UBA3: variants seen among roughly 807,000 people sequenced by gnomAD.
UBA3 encodes the protein NEDD8-activating enzyme E1 catalytic subunit.
A neutral mutation model predicts 73.5 loss-of-function variants in UBA3; 26 were observed. That is an observed-to-expected ratio of 0.35 (90% CI 0.26 to 0.49). The LOEUF is 0.49. UBA3 is among the 20% of genes least tolerant of loss of function. The pLI, the probability that UBA3 is intolerant of heterozygous loss-of-function variation, is 0.98. For missense variants in UBA3, 495 were observed against 555.6 expected (o/e 0.89, Z 1.10); for synonymous variants, 217 against 191.2 (o/e 1.13, Z -1.11).
rs772508484 is a variant in UBA3 at position 69,061,826 on chromosome 3, T to C, written c.898A>G (p.Arg300Gly). The C allele has an allele frequency of 6.3e-7, 1 of 1,598,728 alleles. No homozygotes were observed. The highest frequency in any genetic ancestry group is 1.8e-5 in the Admixed American group (1 of 56,906). Reference protein sequence around the residue: ...SQYNIRGVTYRLTQGVVKRII... With the variant: ...SQYNIRGVTYGLTQGVVKRII... The stretch of plus-strand genomic sequence containing the variant: ...TTTGCTGACTTACCTTGAGTGAGCC[T>C]ATACGTAACACCCCTAATATTATAT... The change falls in exon 11 of 18, where the codon AGG becomes GGG. Residue 300 changes from arginine to glycine, a missense_variant. By Grantham distance (125) the Arg-to-Gly change is moderately radical (BLOSUM62 -2). Coordinates refer to ENST00000361055, the MANE Select transcript of UBA3 (RefSeq NM_003968.4).
intron 11 of UBA3, among the ~76,000 whole-genome samples, chr3:69,060,217 A>G (rs1241908698): frequency 6.6e-6 from 1 of 152,184 alleles, no homozygotes; most frequent in Non-Finnish European, 1.5e-5. Flanking sequence ...GGCAGAATAC[A>G]TATAAAGAGA....
At position 69,064,237 on chromosome 3, in the gene UBA3, G is replaced by T. The variant is rs192365532; in HGVS notation, c.429-126C>A. 4.2e-6 allele frequency: 3 copies of T among 714,076 alleles called. No homozygotes were observed. In the East Asian group the frequency reaches 9.7e-5, roughly 23 times the overall value. 44.2% of individuals were successfully genotyped at this position (714,076 alleles called of 1,614,324 possible). A position where few individuals can be genotyped will look rare whatever the true frequency, so the allele number is the denominator to read the frequency against. Reference sequence around the variant, plus strand: ...ATAAGTAATCAATGTTCACATCAGTGGAATTCAAGGAATCTGACTAAATGA... The same window carrying T: ...ATAAGTAATCAATGTTCACATCAGTTGAATTCAAGGAATCTGACTAAATGA... On this transcript the variant is annotated intron_variant, in intron 6 of 17. Transcript: ENST00000361055.
At chr3:69,069,547 G>A (rs1335103199) in intron 5 of UBA3, among the ~76,000 whole-genome samples, 3 of 151,976 alleles carry the variant, frequency 2.0e-5, no homozygotes, top group Admixed American at 6.6e-5. Flanking sequence ...GGCTGGTCTC[G>A]AACTTCTGAC....
rs150571999 is a variant in UBA3, at chr3:69,063,004, G to A, written c.671C>T (p.Thr224Met). The A allele has an allele frequency of 2.9e-5, 47 of 1,613,934 alleles. No individual in the cohort carries two copies. Among genetic ancestry groups the A allele is most frequent in the Admixed American group, 5.0e-5 (3 of 59,994 alleles). ...LPGMTACIEC[T>M]LELYPPQVNF... Reference sequence around the variant, plus strand: ...TACCTGTGGTGGATAAAGTTCCAGCGTGCATTCGATACAAGCAGTCATTCC... The same window carrying A: ...TACCTGTGGTGGATAAAGTTCCAGCATGCATTCGATACAAGCAGTCATTCC... The change falls in exon 9 of 18, where the codon ACG becomes ATG. Residue 224 changes from threonine (T) to methionine (M), a missense_variant. Physicochemically the swap from Thr to Met is moderately conservative, Grantham distance 81 (BLOSUM62 -1). Coordinates refer to ENST00000361055, the MANE Select transcript of UBA3 (RefSeq NM_003968.4).
At chr3:69,062,362 C>A (rs570342311) in intron 9 of UBA3, among the ~76,000 whole-genome samples, 183 bp from the exon 10 acceptor site, 6 of 152,276 alleles carry the variant, frequency 3.9e-5, no homozygotes, top group Admixed American at 2.6e-4. Flanking sequence ...TTAGGCTGCA[C>A]TGCCTGTAAA....
intron 9 of UBA3, 151 bp downstream of exon 9, chr3:69,062,831 C>A: frequency 1.1e-6 from 1 of 931,960 alleles, no homozygotes; most frequent in Non-Finnish European, 1.6e-6. Flanking sequence ...TCAAATAGAG[C>A]AGAATTTCAT....
At position 69,063,025 on chromosome 3, in the gene UBA3, A is replaced by T. The variant is rs144568523; in HGVS notation, c.650T>A (p.Met217Lys). 134 of 1,613,998 alleles carry T rather than the reference A, an allele frequency of 8.3e-5. No homozygotes were observed. Among genetic ancestry groups the T allele is most frequent in the Non-Finnish European group, 1.1e-4 (129 of 1,180,004 alleles). ...CAGCGTGCATTCGATACAAGCAGTC[A>T]TTCCAGGCAGAATCACCCGGGCATT... ...KGNARVILPGMTACIECTLEL... is the reference protein window; with the variant it reads ...KGNARVILPGKTACIECTLEL... The change falls in exon 9 of 18, where the codon ATG becomes AAG. Residue 217 changes from methionine to lysine, a missense_variant. By Grantham distance (95) the Met-to-Lys change is moderately conservative. Transcript: ENST00000361055.
chr3:69,080,081 G>T, intron 2 of UBA3, 31 bp downstream of exon 2: 2 of 1,601,972 alleles, frequency 1.2e-6, no homozygotes, highest in Non-Finnish European at 1.7e-6. Flanking sequence ...GGGGTCCCCG[G>T]AGAGGGCCCC....
At chr3:69,080,247 A>T in intron 1 of UBA3, 87 bp downstream of exon 1, 1 of 1,547,884 alleles carries the variant, frequency 6.5e-7, no homozygotes, top group Non-Finnish European at 8.7e-7. Context: ...GGGTGTGGGG[A>T]CCCCGGGTGG....
intron 6 of UBA3, among the ~76,000 whole-genome samples, chr3:69,066,519 C>A (rs974380869): frequency 1.1e-4 from 17 of 152,080 alleles, no homozygotes; most frequent in Admixed American, 7.2e-4. Context: ...TTTCAGCTCA[C>A]TGCAACCTCA....
chr3:69,070,093 A>G (rs1056283652), intron 5 of UBA3, among the ~76,000 whole-genome samples: 1 of 152,226 alleles, frequency 6.6e-6, no homozygotes, highest in African/African-American at 2.4e-5. Context: ...ACATATCGTT[A>G]TTACCATCTT....
chr3:69,060,036 T>C (rs2092009095), intron 11 of UBA3, among the ~76,000 whole-genome samples: 1 of 152,062 alleles, frequency 6.6e-6, no homozygotes, highest in African/African-American at 2.4e-5. Flanking sequence ...ACCAAGAAGG[T>C]CTGATGAACA....
intron 2 of UBA3, among the ~76,000 whole-genome samples, chr3:69,079,283 T>C (rs1191895451): frequency 6.6e-6 from 1 of 152,140 alleles, no homozygotes; most frequent in Non-Finnish European, 1.5e-5. Context: ...CATGTAAAAG[T>C]GGGAGGGAAA....
At chr3:69,070,619 A>T (rs1027659554) in intron 5 of UBA3, among the ~76,000 whole-genome samples, 6 of 152,106 alleles carry the variant, frequency 3.9e-5, no homozygotes, top group African/African-American at 1.4e-4. Context: ...TCATGTCTGG[A>T]TACATGGTCT....
intron 7 of UBA3, 73 bp downstream of exon 7, chr3:69,063,995 G>T: frequency 1.6e-6 from 2 of 1,264,682 alleles, no homozygotes; most frequent in Non-Finnish European, 2.3e-6. Flanking sequence ...GAAATAGCTA[G>T]CAATATTTGA....
intron 6 of UBA3, among the ~76,000 whole-genome samples, chr3:69,065,556 C>A (rs1472284064): frequency 1.3e-5 from 2 of 152,196 alleles, no homozygotes; most frequent in Non-Finnish European, 2.9e-5. Flanking sequence ...GATCTTCCTG[C>A]CTCAGCCTCC....
At chr3:69,057,355 AAG>A in intron 11 of UBA3, 46 bp from the exon 12 acceptor site, 1 of 1,534,042 alleles carries the variant, frequency 6.5e-7, no homozygotes, top group Non-Finnish European at 8.9e-7. Flanking sequence ...TTTAAAATAA[AAG>A]AGTTCTCTTA....
At chr3:69,074,710 C>G (rs749678186) in intron 4 of UBA3, among the ~76,000 whole-genome samples, 2 of 152,076 alleles carry the variant, frequency 1.3e-5, no homozygotes, top group Non-Finnish European at 2.9e-5. Flanking sequence ...GTTACATAAA[C>G]TCATTAAAAT....
intron 3 of UBA3, chr3:69,077,584 A>G: frequency 2.1e-6 from 1 of 473,350 alleles, no homozygotes; most frequent in Admixed American, 4.1e-5. Flanking sequence ...TTCTCACAAA[A>G]ATTTTCAACT....
Sources: gnomAD v4.1 joint callset for allele counts (sites outside exome capture counted in the v4.1 genomes callset) on GRCh38, gnomAD v4.1.1 for gene constraint, MANE v1.5 for transcripts, NCBI Gene and HGNC (gene_info 2026-07-23, HGNC 2026-07-21) for gene names.